KCNN2: variants seen among roughly 807,000 people sequenced by gnomAD.
KCNN2 encodes potassium calcium-activated channel subfamily N member 2, also known as small conductance calcium-activated potassium channel protein 2.
KCNN2 carries 24 observed loss-of-function variants against 55.5 expected under a neutral mutation model. The ratio of observed to expected loss-of-function variants is 0.43; its 90% CI spans 0.31 to 0.61. The LOEUF (loss-of-function observed/expected upper bound fraction) is 0.61. KCNN2 is among the 20% of genes least tolerant of loss of function. The pLI is 0.08. For synonymous variants in KCNN2, 431 were observed against 336.1 expected (o/e 1.28, Z -3.09); for missense variants, 754 against 853.6 (o/e 0.88, Z 1.45).
chr5:114,233,728 A>G (rs1469735665), intron 2 of KCNN2, among the ~76,000 whole-genome samples: 3 of 152,350 alleles, frequency 2.0e-5, no homozygotes, highest in East Asian at 1.9e-4. Context: ...ATTAACCACA[A>G]TGAGAACACA....
At chr5:114,259,699 G>A (rs570890068) in intron 2 of KCNN2, among the ~76,000 whole-genome samples, 1 of 152,040 alleles carries the variant, frequency 6.6e-6, no homozygotes, top group African/African-American at 2.4e-5. Flanking sequence ...GTGGTCTGCT[G>A]TAGGGGTGAG....
rs577618293 is a variant in KCNN2 at position 114,460,034 on chromosome 5, C to G, written c.1638-3015C>G. Reference sequence around the variant, plus strand: ...TTTCAGTCATTTACTGCCCCCAACTCTGAAAAACATTTTTAATAAAAAGTG... The same window carrying G: ...TTTCAGTCATTTACTGCCCCCAACTGTGAAAAACATTTTTAATAAAAAGTG... On this transcript the variant is annotated intron_variant, in intron 3 of 7. Transcript: ENST00000673685. Among the ~76,000 whole-genome samples, 6 of 152,236 alleles carry G rather than the reference C, an allele frequency of 3.9e-5. 1 individual carries two copies. In the South Asian group the frequency reaches 1.2e-3, roughly 32 times the overall value.
intron 1 of KCNN2, among the ~76,000 whole-genome samples, chr5:114,098,125 T>C (rs1438342269): frequency 6.6e-6 from 1 of 152,102 alleles, no homozygotes; most frequent in African/African-American, 2.4e-5. Flanking sequence ...TCCGCTTCTG[T>C]CATCACATGG....
chr5:114,066,578 T>C (rs777571186), intron 1 of KCNN2, among the ~76,000 whole-genome samples: 17 of 152,248 alleles, frequency 1.1e-4, no homozygotes, highest in Non-Finnish European at 2.4e-4. Flanking sequence ...TTTTCTTTTT[T>C]TTCTTTTCTT....
chr5:114,474,804 A>C (rs912268030), intron 5 of KCNN2, among the ~76,000 whole-genome samples: 1 of 152,114 alleles, frequency 6.6e-6, no homozygotes, highest in Non-Finnish European at 1.5e-5. Flanking sequence ...TTTCCTCAGG[A>C]ATTAAGTTAA....
intron 2 of KCNN2, among the ~76,000 whole-genome samples, chr5:114,368,783 G>A (rs894707471): frequency 5.3e-5 from 8 of 151,854 alleles, no homozygotes; most frequent in East Asian, 3.9e-4. Context: ...ATTTCAATAC[G>A]GAATATTTAG....
chr5:114,335,858 A>G (rs1441908749), intron 2 of KCNN2, among the ~76,000 whole-genome samples: 1 of 152,190 alleles, frequency 6.6e-6, no homozygotes, highest in Middle Eastern at 3.2e-3. Context: ...GCTTCAAGAA[A>G]TGGAGGATGG....
At position 114,363,967 on chromosome 5, in the gene KCNN2, G is replaced by C. The variant is rs1757528897; in HGVS notation, c.1184G>C (p.Gly395Ala). The C allele has an allele frequency of 6.2e-7, 1 of 1,613,914 alleles. No individual in the cohort carries two copies. Among genetic ancestry groups the C allele is most frequent in the Admixed American group, 1.7e-5 (1 of 59,996 alleles). ...AGTCTCTCCACGATCATCCTGCTCGGTCTGATCATCGTGTACCACGCCAGG... is the reference window on the plus strand; with the variant it reads ...AGTCTCTCCACGATCATCCTGCTCGCTCTGATCATCGTGTACCACGCCAGG... ...LISLSTIILL[G>A]LIIVYHAREI... is the part of the protein sequence containing the mutation. The change falls in exon 2 of 8, where the codon GGT (glycine) becomes GCT (alanine). Residue 395 changes from glycine to alanine, a missense_variant. Around this residue, in one of 4 missense-constraint regions of KCNN2, gnomAD observed 123 missense variants for 204.9 expected, o/e 0.60. Coordinates refer to ENST00000673685, the MANE Select transcript of KCNN2 (RefSeq NM_021614.4).
At chr5:114,320,241 A>G (rs749367559) in intron 2 of KCNN2, among the ~76,000 whole-genome samples, 46 of 152,292 alleles carry the variant, frequency 3.0e-4, no homozygotes, top group Non-Finnish European at 5.0e-4. Flanking sequence ...TATCACAGCC[A>G]TGTCCCAGAC....
intron 2 of KCNN2, among the ~76,000 whole-genome samples, chr5:114,272,820 C>A (rs1394175037): frequency 6.6e-6 from 1 of 152,124 alleles, no homozygotes; most frequent in Non-Finnish European, 1.5e-5. Flanking sequence ...TCTAGTTAGG[C>A]ATCATATCAA....
chr5:114,443,766 A>G lies in KCNN2; in HGVS notation c.1638-19283A>G, dbSNP rs536263960. Among the ~76,000 whole-genome samples the G allele has an allele frequency of 1.4e-4, 22 of 152,308 alleles. No homozygotes were observed. In the South Asian group the frequency reaches 4.4e-3, roughly 30 times the overall value. On this transcript the variant is annotated intron_variant, in intron 3 of 7. Coordinates refer to ENST00000673685, the MANE Select transcript of KCNN2 (RefSeq NM_021614.4). The stretch of plus-strand genomic sequence containing the variant: ...ACGGGTGGCAAGTATTGAAATCTAT[A>G]TTGTAGTGGGTGAACCTCAGATTTA...
chr5:114,315,865 A>G (rs1038904791), intron 2 of KCNN2, among the ~76,000 whole-genome samples: 1 of 152,142 alleles, frequency 6.6e-6, no homozygotes, highest in African/African-American at 2.4e-5. Flanking sequence ...ACCTTATTGG[A>G]ACATTCAAAT....
chr5:114,351,922 TATC>T (rs1398419617), intron 2 of KCNN2, among the ~76,000 whole-genome samples: 3 of 151,744 alleles, frequency 2.0e-5, no homozygotes, highest in African/African-American at 7.2e-5. Flanking sequence ...TTCATTTTGA[TATC>T]AGGGTAATAC....
At chr5:114,265,876 T>C (rs1344338836) in intron 2 of KCNN2, among the ~76,000 whole-genome samples, 1 of 152,038 alleles carries the variant, frequency 6.6e-6, no homozygotes, top group Admixed American at 6.6e-5. Flanking sequence ...CTGGAAAAGA[T>C]TTAATCAAAG....
chr5:114,141,926 C>T (rs987796932), intron 1 of KCNN2, among the ~76,000 whole-genome samples: 2 of 152,152 alleles, frequency 1.3e-5, no homozygotes, highest in African/African-American at 4.8e-5. Flanking sequence ...GCATAGATGT[C>T]TTCTTTTGAG....
intron 7 of KCNN2, among the ~76,000 whole-genome samples, chr5:114,494,315 A>G (rs1375397287): frequency 1.3e-5 from 2 of 151,446 alleles, no homozygotes; most frequent in Non-Finnish European, 2.9e-5. Flanking sequence ...AGTATAATCC[A>G]TAAAAATTAC....
chr5:114,298,944 A>G (rs1756093330), intron 2 of KCNN2, among the ~76,000 whole-genome samples: 2 of 152,180 alleles, frequency 1.3e-5, no homozygotes, highest in Admixed American at 6.5e-5. Context: ...AAATTAGGAA[A>G]TGCAGTTGAA....
At chr5:114,143,059 G>A (rs1228034101) in intron 1 of KCNN2, among the ~76,000 whole-genome samples, 3 of 152,044 alleles carry the variant, frequency 2.0e-5, no homozygotes, top group South Asian at 4.1e-4. Flanking sequence ...GATAGTGAAA[G>A]CTGGGTCCAG....
chr5:114,361,303 C>T (rs1200148954), upstream of KCNN2, among the ~76,000 whole-genome samples: 1 of 152,138 alleles, frequency 6.6e-6, no homozygotes, highest in Non-Finnish European at 1.5e-5. Context: ...ACCCTACCCG[C>T]GCCGCAGCGC....
Sources: allele counts gnomAD v4.1 joint callset (sites outside exome capture counted in the v4.1 genomes callset), GRCh38; gene constraint gnomAD v4.1.1; regional missense constraint gnomAD v4.1.1; transcripts MANE v1.5; gene names NCBI Gene and HGNC (gene_info 2026-07-23, HGNC 2026-07-21).